Variants in TMEM132B observed in about 807,000 individuals in gnomAD.
TMEM132B encodes the protein transmembrane protein 132B.
In TMEM132B, 18 loss-of-function variants were observed where a neutral mutation model predicts 90.8. That is an observed-to-expected ratio of 0.20 (90% confidence interval 0.14 to 0.29). TMEM132B has a LOEUF of 0.29. Among genes scored for constraint, TMEM132B ranks in the 10% least tolerant of loss-of-function variants. TMEM132B has a pLI of 1.00. For synonymous variants in TMEM132B, 504 were observed against 523.3 expected (o/e 0.96, Z 0.50); for missense variants, 1,096 against 1,326.8 (o/e 0.83, Z 2.70).
intron 1 of TMEM132B, among the ~76,000 whole-genome samples, chr12:125,266,676 TA>T (rs1874704786): frequency 1.3e-5 from 2 of 152,230 alleles, no homozygotes; most frequent in Non-Finnish European, 2.9e-5. Context: ...ACCACACTTG[TA>T]AAAAATGTTA....
intron 3 of TMEM132B, among the ~76,000 whole-genome samples, chr12:125,437,483 A>G (rs1198240274): frequency 6.6e-6 from 1 of 152,134 alleles, no homozygotes; most frequent in Non-Finnish European, 1.5e-5. Flanking sequence ...TGGTAATTCT[A>G]TGTGTAATTT....
intron 3 of TMEM132B, among the ~76,000 whole-genome samples, chr12:125,463,593 C>G (rs1881493151): frequency 6.6e-6 from 1 of 152,148 alleles, no homozygotes; most frequent in Admixed American, 6.5e-5. Flanking sequence ...ATGTAGTCAC[C>G]CACTGCAGAG....
At chr12:125,326,871 C>T (rs1230707237) in intron 1 of TMEM132B, among the ~76,000 whole-genome samples, 5 of 152,166 alleles carry the variant, frequency 3.3e-5, no homozygotes, top group Admixed American at 6.5e-5. Flanking sequence ...TTGAAACTGT[C>T]CACCGAGGCT....
intron 3 of TMEM132B, among the ~76,000 whole-genome samples, chr12:125,425,942 C>T (rs1880307880): frequency 6.6e-6 from 1 of 152,186 alleles, no homozygotes; most frequent in Non-Finnish European, 1.5e-5. Flanking sequence ...TGTACGGTTT[C>T]AACTCATTTG....
At chr12:125,506,148 G>A (rs763538144) in intron 3 of TMEM132B, among the ~76,000 whole-genome samples, 4 of 152,188 alleles carry the variant, frequency 2.6e-5, no homozygotes, top group Admixed American at 6.5e-5. Flanking sequence ...ATAGATAAAC[G>A]AATTGTAAAC....
intron 1 of TMEM132B, among the ~76,000 whole-genome samples, chr12:125,317,185 C>T (rs1432037405): frequency 6.6e-6 from 1 of 151,434 alleles, no homozygotes; most frequent in Non-Finnish European, 1.5e-5. Context: ...GCCTCAGTTT[C>T]CTCCTCAGAT....
chr12:125,483,409 C>A (rs559192547), intron 3 of TMEM132B, among the ~76,000 whole-genome samples: 1 of 151,564 alleles, frequency 6.6e-6, no homozygotes, highest in African/African-American at 2.4e-5. Flanking sequence ...GTGGATTAAC[C>A]AACTATGGGT....
intron 2 of TMEM132B, among the ~76,000 whole-genome samples, chr12:125,366,272 C>G (rs1344610533): frequency 6.6e-6 from 1 of 151,996 alleles, no homozygotes; most frequent in African/African-American, 2.4e-5. Flanking sequence ...TTTATTCGTT[C>G]ATCCATTGAT....
At chr12:125,284,484 TC>T (rs1256539623) in intron 1 of TMEM132B, among the ~76,000 whole-genome samples, 1 of 152,250 alleles carries the variant, frequency 6.6e-6, no homozygotes, top group East Asian at 1.9e-4. Context: ...TCTCTCTTCC[TC>T]CCCCCTGCTC....
In TMEM132B at chr12:125,445,820, C is replaced by T. The variant is rs1256642443; in HGVS notation, c.1106+30143C>T. 6.6e-6 allele frequency among the ~76,000 whole-genome samples: 1 copy of T among 152,224 alleles called. No individual in the cohort carries two copies. The highest frequency in any genetic ancestry group is 2.4e-5 in the African/African-American group (1 of 41,458). ...ACTTGGAGACAGACATCTCACACCT[C>T]AGGCCATGTGCTACCCTCCTGGGGA... On this transcript the variant is annotated intron_variant, in intron 3 of 8. Transcript: ENST00000682704. This position sits in a 1 kb window ranked among gnomAD's most constrained non-coding sequence, Gnocchi z 4.3.
In TMEM132B at chr12:125,650,788, C is replaced by T. The variant is rs758797645; in HGVS notation, c.1749C>T (p.Ala583=). The change falls in exon 7 of 9, where the codon GCC becomes GCT. Residue 583 remains alanine (A), a synonymous_variant. Transcript: ENST00000682704. ...TGCGTGTCCTCACCCAGTTTGTGGC[C>T]GAGTCACCTGACTTAGGGCAGCTGA... ...ATVRVLTQFV[A]ESPDLGQLTY... is the part of the protein sequence containing the mutation. 43 of 1,614,094 alleles carry T rather than the reference C, an allele frequency of 2.7e-5. No individual in the cohort carries two copies. Among genetic ancestry groups the T allele is most frequent in the South Asian group, 3.3e-5 (3 of 91,090 alleles).
chr12:125,355,946 C>T (rs900659320), intron 2 of TMEM132B, among the ~76,000 whole-genome samples: 1 of 151,742 alleles, frequency 6.6e-6, no homozygotes, highest in Non-Finnish European at 1.5e-5. Context: ...TACATCTCAC[C>T]CATGCCTTGA....
intron 3 of TMEM132B, among the ~76,000 whole-genome samples, chr12:125,499,391 A>G (rs1226073426): frequency 6.6e-6 from 1 of 152,226 alleles, no homozygotes; most frequent in Non-Finnish European, 1.5e-5. Flanking sequence ...TTGTAAATAC[A>G]AAATTGCATG....
chr12:125,422,977 A>T (rs1880211694), intron 3 of TMEM132B, among the ~76,000 whole-genome samples: 1 of 152,320 alleles, frequency 6.6e-6, no homozygotes, highest in East Asian at 1.9e-4. Flanking sequence ...TACCTGTTGA[A>T]TAAGCAGGTT....
intron 2 of TMEM132B, among the ~76,000 whole-genome samples, chr12:125,397,964 G>A (rs976888035): frequency 6.6e-5 from 10 of 152,212 alleles, no homozygotes; most frequent in South Asian, 2.1e-4. Flanking sequence ...TACATGCACT[G>A]AGAAAAATAA....
At chr12:125,590,301 T>C (rs67804067) in intron 5 of TMEM132B, among the ~76,000 whole-genome samples, 11,260 of 152,246 alleles carry the variant, frequency 0.074, 675 homozygotes, top group African/African-American at 0.17. Context: ...GATTGTAAGG[T>C]CCACAATATC....
intron 5 of TMEM132B, among the ~76,000 whole-genome samples, chr12:125,616,768 C>A (rs1377932140): frequency 1.3e-5 from 2 of 152,164 alleles, no homozygotes; most frequent in Non-Finnish European, 2.9e-5. Context: ...TAACGACCAA[C>A]ATGATGGTTT....
At chr12:125,380,709 A>T (rs934810795) in intron 2 of TMEM132B, among the ~76,000 whole-genome samples, 1 of 152,148 alleles carries the variant, frequency 6.6e-6, no homozygotes, top group South Asian at 2.1e-4. Flanking sequence ...GCTTCAGCTG[A>T]TGGGAGGCAC....
At chr12:125,579,334 T>C (rs1177694888) in intron 4 of TMEM132B, among the ~76,000 whole-genome samples, 1 of 151,856 alleles carries the variant, frequency 6.6e-6, no homozygotes, top group Non-Finnish European at 1.5e-5. Context: ...TGATATTCTC[T>C]CTTTGGTGAG....
Sources: allele counts gnomAD v4.1 joint callset (sites outside exome capture counted in the v4.1 genomes callset), GRCh38; gene constraint gnomAD v4.1.1; non-coding constraint Gnocchi (gnomAD v3.1); transcripts MANE v1.5; gene names NCBI Gene and HGNC (gene_info 2026-07-23, HGNC 2026-07-21).